The following PATJ variants were observed in gnomAD, a reference collection of about 807,000 sequenced individuals.
PATJ encodes the protein inaD-like protein.
Under a neutral mutation model 224.9 loss-of-function variants are expected in PATJ, and 190 were observed. The observed-to-expected ratio is 0.84, with a 90% CI of 0.75 to 0.95. PATJ has a LOEUF of 0.95. PATJ is among the 40% of genes least tolerant of loss of function. PATJ has a pLI of 0.00. For synonymous variants in PATJ, 769 were observed against 820.3 expected (o/e 0.94, Z 1.07); for missense variants, 2,121 against 2,270.3 (o/e 0.93, Z 1.34).
At chr1:61,997,796 T>A (rs1569839961) in intron 28 of PATJ, among the ~76,000 whole-genome samples, 2 of 118,102 alleles carry the variant, frequency 1.7e-5, no homozygotes, top group Admixed American at 1.7e-4. Flanking sequence ...TTTTGTTTTG[T>A]TTTGTTTTGT....
chr1:61,978,225 C>CT lies in PATJ; in HGVS notation c.3671-11942dup, dbSNP rs1437037232. On this transcript the variant is annotated intron_variant, in intron 27 of 43. Coordinates refer to ENST00000642238, the MANE Select transcript of PATJ (RefSeq NM_001350145.3). The stretch of plus-strand genomic sequence containing the variant: ...CCTTCCTTCCTTCCTTCCTTCCTTC[C>CT]TCCCTCCCTCCCTCCCTCCCTCCTT... 4.5e-3 allele frequency among the ~76,000 whole-genome samples: 584 copies of CT among 130,322 alleles called. 4 individuals are homozygous for CT. Among genetic ancestry groups the CT allele is most frequent in the African/African-American group, 0.015 (552 of 35,672 alleles). 85.5% of individuals were successfully genotyped at this position (130,322 alleles called of 152,430 possible).
At chr1:61,782,039 T>C (rs1341043167) in intron 7 of PATJ, among the ~76,000 whole-genome samples, 3 of 152,190 alleles carry the variant, frequency 2.0e-5, no homozygotes, top group Non-Finnish European at 4.4e-5. Flanking sequence ...CTGTGTAGCA[T>C]ATACCGAAGT....
Position 61,901,311 on chromosome 1 carries a change from C to T in PATJ, c.3233C>T (p.Ser1078Phe), listed in dbSNP as rs1346765737. 6.5e-7 allele frequency: 1 copy of T among 1,545,996 alleles called. No individual in the cohort carries two copies. The highest frequency in any genetic ancestry group is 1.4e-5 in the African/African-American group (1 of 70,138). ...GAGATTTTTAGAGAACCCAATGTGT[C>T]TCTTGGGATCAGTATTGTTGGTGGA... ...IVEIFREPNVSLGISIVGGQT... is the reference protein window; with the variant it reads ...IVEIFREPNVFLGISIVGGQT... Residue 1078 changes from serine to phenylalanine, a missense_variant, in exon 24 of 44, where the codon TCT becomes TTT. Physicochemically the swap from Ser to Phe is radical, Grantham distance 155. Transcript: ENST00000642238.
chr1:61,818,172 C>T (rs939283191), intron 14 of PATJ, among the ~76,000 whole-genome samples: 1 of 152,224 alleles, frequency 6.6e-6, no homozygotes, highest in Admixed American at 6.5e-5. Context: ...GGGCAGAAGG[C>T]CTCAAGCCTT....
intron 41 of PATJ, among the ~76,000 whole-genome samples, chr1:62,130,223 A>G (rs1379655080): frequency 1.3e-5 from 2 of 152,196 alleles, no homozygotes; most frequent in Admixed American, 6.5e-5. Flanking sequence ...AGTCTTAGCT[A>G]CTCAAGAGAC....
chr1:62,077,707 A>G (rs1658553602), intron 31 of PATJ, among the ~76,000 whole-genome samples: 1 of 150,488 alleles, frequency 6.6e-6, no homozygotes, highest in Non-Finnish European at 1.5e-5. Flanking sequence ...AAAAAAGAAG[A>G]TGGTGATAGA....
chr1:61,899,063 A>G (rs1202139724), intron 22 of PATJ, among the ~76,000 whole-genome samples: 1 of 152,204 alleles, frequency 6.6e-6, no homozygotes, highest in Non-Finnish European at 1.5e-5. Context: ...AGTGAGGATC[A>G]TATTAGATAA....
intron 7 of PATJ, among the ~76,000 whole-genome samples, chr1:61,780,647 G>T (rs1647198851): frequency 6.7e-6 from 1 of 149,652 alleles, no homozygotes; most frequent in South Asian, 2.2e-4. Context: ...AGGTTTGTTT[G>T]TTGGAGTGGC....
At chr1:62,155,965 G>A (rs927670124) in intron 43 of PATJ, among the ~76,000 whole-genome samples, 5 of 145,000 alleles carry the variant, frequency 3.4e-5, no homozygotes, top group Admixed American at 2.9e-4. Context: ...GGCTGAGGCA[G>A]GAGAATGGCG....
At chr1:61,858,939 C>T (rs180701800) in intron 18 of PATJ, among the ~76,000 whole-genome samples, 9 of 151,976 alleles carry the variant, frequency 5.9e-5, no homozygotes, top group East Asian at 1.9e-4. Context: ...TGGGTATTGC[C>T]GTGGTCAACA....
At chr1:62,046,231 A>AG (rs1181689473) in intron 30 of PATJ, among the ~76,000 whole-genome samples, 1 of 86,926 alleles carries the variant, frequency 1.2e-5, no homozygotes, top group Non-Finnish European at 2.0e-5. Context: ...AAGGAAAGGA[A>AG]GGAAGGGAGG....
intron 18 of PATJ, 43 bp downstream of exon 18, chr1:61,856,282 AAC>A (rs760692306): frequency 2.0e-6 from 3 of 1,472,120 alleles, no homozygotes; most frequent in Non-Finnish European, 2.9e-6. Flanking sequence ...ATAATAGTGC[AAC>A]AGTTAAAAAC....
At chr1:61,872,743 A>G (rs1474477649) in intron 20 of PATJ, among the ~76,000 whole-genome samples, 1 of 152,180 alleles carries the variant, frequency 6.6e-6, no homozygotes, top group East Asian at 1.9e-4. Context: ...CCCCTAAGGA[A>G]AATCCTCGGA....
chr1:61,952,458 A>G (rs1299332511), intron 27 of PATJ: 1 of 716,976 alleles, frequency 1.4e-6, no homozygotes, highest in African/African-American at 1.7e-5. Flanking sequence ...TCGGAATGCA[A>G]TCTGATGCTG....
intron 20 of PATJ, among the ~76,000 whole-genome samples, chr1:61,866,241 A>G (rs1302068329): frequency 6.6e-6 from 1 of 152,230 alleles, no homozygotes; most frequent in Non-Finnish European, 1.5e-5. Context: ...TCTTCTATTA[A>G]AAGATAATTT....
intron 27 of PATJ, among the ~76,000 whole-genome samples, chr1:61,937,053 A>C (rs1320284052): frequency 6.6e-6 from 1 of 152,160 alleles, no homozygotes; most frequent in African/African-American, 2.4e-5. Flanking sequence ...GTGCCACTGC[A>C]ATGAAAGCTA....
chr1:62,030,202 A>G (rs1648946591), intron 29 of PATJ, among the ~76,000 whole-genome samples: 1 of 152,218 alleles, frequency 6.6e-6, no homozygotes, highest in South Asian at 2.1e-4. Flanking sequence ...GGCTGAATGA[A>G]TTAATAGCAA....
intron 28 of PATJ, among the ~76,000 whole-genome samples, chr1:61,992,187 G>A (rs1004174038): frequency 2.7e-5 from 4 of 149,616 alleles, no homozygotes; most frequent in African/African-American, 7.4e-5. Context: ...GCACGATCTC[G>A]GTTCACTGCA....
intron 26 of PATJ, among the ~76,000 whole-genome samples, chr1:61,918,687 G>T (rs748494912): frequency 1.3e-5 from 2 of 152,100 alleles, no homozygotes; most frequent in Non-Finnish European, 2.9e-5. Context: ...TTATGGCCAG[G>T]CCTGGTGGCT....
Sources: gnomAD v4.1 joint callset for allele counts (sites outside exome capture counted in the v4.1 genomes callset) on GRCh38, gnomAD v4.1.1 for gene constraint, MANE v1.5 for transcripts, NCBI Gene and HGNC (gene_info 2026-07-23, HGNC 2026-07-21) for gene names.